IL1RAPL2: variants seen among roughly 807,000 people sequenced by gnomAD.
IL1RAPL2 encodes the protein interleukin 1 receptor accessory protein like 2.
Under a neutral mutation model 44.1 loss-of-function variants are expected in IL1RAPL2, and 3 were observed. The observed-to-expected ratio is 0.07, with a 90% CI of 0.03 to 0.18. IL1RAPL2 has a LOEUF of 0.18. IL1RAPL2 is among the 10% of genes least tolerant of loss of function. The probability of loss-of-function intolerance (pLI) is 1.00; values close to 1 mark genes in which losing one functional copy is unlikely to be tolerated. For synonymous variants in IL1RAPL2, 181 were observed against 178.8 expected (o/e 1.01, Z -0.10); for missense variants, 391 against 496.4 (o/e 0.79, Z 2.02).
chrX:104,982,066 A>G (rs913006475), intron 2 of IL1RAPL2, among the ~76,000 whole-genome samples: 9 of 110,665 alleles, frequency 8.1e-5, no homozygotes, highest in Non-Finnish European at 1.5e-4. Flanking sequence ...TGGGTGACAA[A>G]ATAACCTGTA....
intron 2 of IL1RAPL2, among the ~76,000 whole-genome samples, chrX:104,751,224 A>G (rs981145219): frequency 8.9e-6 from 1 of 111,754 alleles, no homozygotes; most frequent in Non-Finnish European, 1.9e-5. Flanking sequence ...TCAGAGATGT[A>G]TTTGTTCAGC....
chrX:105,326,637 C>T (rs1476368478), intron 5 of IL1RAPL2, among the ~76,000 whole-genome samples: 1 of 111,312 alleles, frequency 9.0e-6, no homozygotes, highest in Non-Finnish European at 1.9e-5. Flanking sequence ...GTTCTAGCAC[C>T]ATCTAAAAAC....
intron 2 of IL1RAPL2, among the ~76,000 whole-genome samples, chrX:104,916,487 C>G (rs1206619048): frequency 2.2e-4 from 24 of 111,565 alleles, no homozygotes; most frequent in East Asian, 1.4e-3. Context: ...ATGGGGTTTT[C>G]TAGATATACA....
chrX:105,041,159 G>T (rs770394126), intron 2 of IL1RAPL2, among the ~76,000 whole-genome samples: 1 of 110,278 alleles, frequency 9.1e-6, no homozygotes, highest in East Asian at 2.9e-4. Flanking sequence ...TCAGGAGCAG[G>T]TTGTTCAGTT....
chrX:104,726,198 G>A (rs1931788677), intron 2 of IL1RAPL2, among the ~76,000 whole-genome samples: 1 of 110,105 alleles, frequency 9.1e-6, no homozygotes, highest in Non-Finnish European at 1.9e-5. Context: ...AGGGTATGTG[G>A]CACCATTTCT....
At chrX:105,590,859 TTGTGTGTGTGTG>T (rs60004058) in intron 6 of IL1RAPL2, among the ~76,000 whole-genome samples, 1 of 88,591 alleles carries the variant, frequency 1.1e-5, no homozygotes, top group African/African-American at 4.0e-5. Context: ...TTGTGTGTGT[TTGTGTGTGTGTG>T]TGTGTGTGTG....
intron 5 of IL1RAPL2, among the ~76,000 whole-genome samples, chrX:105,288,423 A>G (rs992511565): frequency 3.7e-5 from 4 of 107,899 alleles, no homozygotes; most frequent in Non-Finnish European, 7.6e-5. Flanking sequence ...AAAAAAAAAC[A>G]GCATTCTCTA....
At chrX:105,700,690 G>T (rs1462333233) in intron 6 of IL1RAPL2, among the ~76,000 whole-genome samples, 1 of 105,564 alleles carries the variant, frequency 9.5e-6, no homozygotes, top group Non-Finnish European at 2.0e-5. Flanking sequence ...GTATTTCTTT[G>T]ATTTATTATT....
intron 1 of IL1RAPL2, among the ~76,000 whole-genome samples, chrX:104,596,862 A>G (rs968800895): frequency 9.0e-6 from 1 of 111,471 alleles, no homozygotes; most frequent in South Asian, 3.8e-4. Context: ...GTATTAGAAA[A>G]CAGAAGGAAG....
intron 5 of IL1RAPL2, among the ~76,000 whole-genome samples, chrX:105,478,610 G>A (rs929441320): frequency 1.8e-5 from 2 of 111,129 alleles, no homozygotes; most frequent in Admixed American, 1.9e-4. Flanking sequence ...TGAAATTATT[G>A]TATAGTCTCT....
chrX:104,724,118 A>G (rs1931739940), intron 2 of IL1RAPL2, among the ~76,000 whole-genome samples: 1 of 111,636 alleles, frequency 9.0e-6, no homozygotes, highest in African/African-American at 3.3e-5. Flanking sequence ...AGAACAAAAG[A>G]TTTACAACAG....
At chrX:105,270,831 G>C (rs1390482486) in intron 5 of IL1RAPL2, among the ~76,000 whole-genome samples, 1 of 111,842 alleles carries the variant, frequency 8.9e-6, no homozygotes, top group Non-Finnish European at 1.9e-5. Context: ...TTTGGGTTTA[G>C]CATGGGATAA....
intron 2 of IL1RAPL2, among the ~76,000 whole-genome samples, chrX:104,848,296 C>A (rs1244074768): frequency 9.3e-6 from 1 of 107,529 alleles, no homozygotes; most frequent in African/African-American, 3.4e-5. Flanking sequence ...CAGACATTTA[C>A]AATATGTTTA....
chrX:104,680,201 T>G (rs1930865916), intron 2 of IL1RAPL2, among the ~76,000 whole-genome samples: 1 of 111,677 alleles, frequency 9.0e-6, no homozygotes, highest in Admixed American at 9.5e-5. Flanking sequence ...CTTTAATTGT[T>G]AGGAAACTAA....
At chrX:105,006,874 T>G (rs1206148365) in intron 2 of IL1RAPL2, among the ~76,000 whole-genome samples, 1 of 110,974 alleles carries the variant, frequency 9.0e-6, no homozygotes, top group Non-Finnish European at 1.9e-5. Flanking sequence ...TTGAGATGAG[T>G]GGGTTAGAAT....
intron 5 of IL1RAPL2, chrX:105,406,508 A>T: frequency 8.3e-7 from 1 of 1,199,417 alleles, no homozygotes; most frequent in Non-Finnish European, 1.1e-6. Context: ...ATTTTTTGCT[A>T]GCAACTCCAA....
intron 6 of IL1RAPL2, among the ~76,000 whole-genome samples, chrX:105,708,443 A>AT (rs1237062323): frequency 1.8e-5 from 2 of 111,480 alleles, no homozygotes; most frequent in African/African-American, 3.3e-5. Flanking sequence ...GTATTGATTC[A>AT]TTTTTTTTCC....
chrX:105,736,272 A>C (rs1242865503), intron 7 of IL1RAPL2, among the ~76,000 whole-genome samples: 1 of 111,344 alleles, frequency 9.0e-6, no homozygotes, highest in African/African-American at 3.3e-5. Context: ...AAATCCTGAA[A>C]GACAACCTAG....
intron 2 of IL1RAPL2, among the ~76,000 whole-genome samples, chrX:104,950,681 T>C (rs1396817790): frequency 5.8e-5 from 6 of 103,447 alleles, no homozygotes; most frequent in African/African-American, 2.1e-4. Flanking sequence ...TGGTGAGCTG[T>C]TTTTTGTTTG....
Sources: gnomAD v4.1 joint callset for allele counts (sites outside exome capture counted in the v4.1 genomes callset) on GRCh38, gnomAD v4.1.1 for gene constraint, MANE v1.5 for transcripts, NCBI Gene and HGNC (gene_info 2026-07-23, HGNC 2026-07-21) for gene names.